XYLT1: variants seen among roughly 807,000 people sequenced by gnomAD.
XYLT1 encodes xylosyltransferase 1.
Under a neutral mutation model 91.3 loss-of-function variants are expected in XYLT1, and 36 were observed. The ratio of observed to expected loss-of-function variants is 0.39; its 90% CI spans 0.30 to 0.52. XYLT1 has a LOEUF of 0.52. XYLT1 is among the 20% of genes least tolerant of loss of function. XYLT1 has a pLI of 0.68. For missense variants in XYLT1, 1,242 were observed against 1,284.5 expected, an observed-to-expected ratio of 0.97 and a Z score of 0.51; for synonymous variants, 588 against 532.0, an observed-to-expected ratio of 1.11 and a Z score of -1.45.
chr16:17,129,981 G>A (rs553427817), intron 9 of XYLT1, among the ~76,000 whole-genome samples: 14 of 152,208 alleles, frequency 9.2e-5, no homozygotes, highest in Admixed American at 3.3e-4. Flanking sequence ...GGGCTGTCAC[G>A]TCAGTTCTGA....
At chr16:17,309,464 C>A (rs1424796752) in intron 2 of XYLT1, among the ~76,000 whole-genome samples, 1 of 152,098 alleles carries the variant, frequency 6.6e-6, no homozygotes, top group African/African-American at 2.4e-5. Context: ...CTGGGTAGGG[C>A]AAGCCCTCTG....
At chr16:17,348,210 GGA>G (rs2035172248) in intron 2 of XYLT1, among the ~76,000 whole-genome samples, 1 of 152,124 alleles carries the variant, frequency 6.6e-6, no homozygotes, top group African/African-American at 2.4e-5. Context: ...CACCCAACAT[GGA>G]GACAGCAGGA....
chr16:17,311,301 TC>T (rs2034544265), intron 2 of XYLT1, among the ~76,000 whole-genome samples: 1 of 152,158 alleles, frequency 6.6e-6, no homozygotes, highest in Admixed American at 6.5e-5. Flanking sequence ...AGAACCTGCA[TC>T]TTAACTAGGT....
intron 8 of XYLT1, 52 bp from the exon 9 acceptor site, chr16:17,134,787 T>A: frequency 4.4e-6 from 7 of 1,599,942 alleles, no homozygotes; most frequent in Non-Finnish European, 6.0e-6. Flanking sequence ...GTGCTGGGGG[T>A]TGGGGGGAAC....
intron 3 of XYLT1, among the ~76,000 whole-genome samples, chr16:17,239,531 T>TC (rs1555490069): frequency 7.0e-6 from 1 of 142,564 alleles, no homozygotes; most frequent in African/African-American, 2.7e-5. Flanking sequence ...CATCCATCCA[T>TC]CCATCCCATT....
At chr16:17,376,464 T>G (rs761910021) in intron 1 of XYLT1, among the ~76,000 whole-genome samples, 91 of 152,324 alleles carry the variant, frequency 6.0e-4, no homozygotes, top group Non-Finnish European at 8.8e-4. Flanking sequence ...GGATGGGTGA[T>G]GTCTCTTTTG....
At chr16:17,454,920 C>G (rs543650922) in intron 1 of XYLT1, among the ~76,000 whole-genome samples, 1 of 106,498 alleles carries the variant, frequency 9.4e-6, no homozygotes, top group African/African-American at 4.1e-5. Context: ...CCCGCCCCCC[C>G]CCGCAACTAT....
intron 1 of XYLT1, among the ~76,000 whole-genome samples, chr16:17,436,487 G>A (rs2036460867): frequency 6.6e-6 from 1 of 152,184 alleles, no homozygotes. Flanking sequence ...GGCGTGGATG[G>A]CACATAGTAT....
intron 6 of XYLT1, among the ~76,000 whole-genome samples, chr16:17,153,966 C>G (rs780402380): frequency 1.7e-4 from 26 of 152,168 alleles, no homozygotes; most frequent in Non-Finnish European, 3.4e-4. Flanking sequence ...CAGACGGAAC[C>G]AGGTTCCATC....
At chr16:17,306,482 G>C (rs898738886) in intron 2 of XYLT1, among the ~76,000 whole-genome samples, 2 of 151,888 alleles carry the variant, frequency 1.3e-5, no homozygotes, top group Admixed American at 6.6e-5. Context: ...TTGAACCCAG[G>C]AGGCAGGGGC....
chr16:17,253,389 A>C (rs936060891), intron 3 of XYLT1, among the ~76,000 whole-genome samples: 1 of 152,252 alleles, frequency 6.6e-6, no homozygotes, highest in East Asian at 1.9e-4. Context: ...CCAGTGCACT[A>C]AAGGCCTCAG....
chr16:17,306,557 GATATAT>G (rs35971345), intron 2 of XYLT1, among the ~76,000 whole-genome samples: 3 of 146,470 alleles, frequency 2.0e-5, no homozygotes, highest in African/African-American at 7.5e-5. Context: ...TGTCACAAAA[GATATAT>G]ATATATATAT....
intron 11 of XYLT1, among the ~76,000 whole-genome samples, chr16:17,115,819 A>AAAAAAAG (rs1293959739): frequency 6.7e-6 from 1 of 149,416 alleles, no homozygotes; most frequent in Non-Finnish European, 1.5e-5. Context: ...AAAAAAAAAA[A>AAAAAAAG]AAAAAAGACT....
Position 17,450,666 on chromosome 16 carries a change from C to A in XYLT1, c.363+19768G>T, listed in dbSNP as rs1056206183. On this transcript the variant is annotated intron_variant, in intron 1 of 11. Coordinates refer to ENST00000261381, the MANE Select transcript of XYLT1 (RefSeq NM_022166.4). Reference sequence around the variant, plus strand: ...GCCCAAAGCCACACCAAGCAAGACACAGAACAGGTTCTGGAATCCAGGTAT... The same window carrying A: ...GCCCAAAGCCACACCAAGCAAGACAAAGAACAGGTTCTGGAATCCAGGTAT... Among the ~76,000 whole-genome samples the A allele has an allele frequency of 1.1e-4, 17 of 152,322 alleles. No homozygotes were observed. In the East Asian group the frequency reaches 2.7e-3, roughly 24 times the overall value.
chr16:17,379,393 T>C (rs1004263241), intron 1 of XYLT1, among the ~76,000 whole-genome samples: 2 of 152,174 alleles, frequency 1.3e-5, no homozygotes, highest in Admixed American at 6.5e-5. Context: ...GGAGGCCGAC[T>C]AAGAGATGGA....
chr16:17,326,830 CA>C (rs147563392), intron 2 of XYLT1, among the ~76,000 whole-genome samples: 2 of 145,584 alleles, frequency 1.4e-5, no homozygotes, highest in Non-Finnish European at 3.0e-5. Flanking sequence ...ATCTCAAAAA[CA>C]AAAAAAAACA....
intron 2 of XYLT1, among the ~76,000 whole-genome samples, chr16:17,306,557 G>GATATATATATATATATATAT (rs35971345): frequency 2.7e-5 from 4 of 146,470 alleles, no homozygotes; most frequent in Admixed American, 2.1e-4. Context: ...TGTCACAAAA[G>GATATATATATATATATATAT]ATATATATAT....
At chr16:17,224,948 C>A (rs2033036236) in intron 3 of XYLT1, among the ~76,000 whole-genome samples, 1 of 152,136 alleles carries the variant, frequency 6.6e-6, no homozygotes, top group Admixed American at 6.6e-5. Context: ...ACAGACAAGA[C>A]CAAAACAAAT....
At chr16:17,185,297 G>A (rs546386959) in intron 5 of XYLT1, among the ~76,000 whole-genome samples, 3 of 152,330 alleles carry the variant, frequency 2.0e-5, no homozygotes, top group African/African-American at 4.8e-5. Context: ...AACTGTTAAC[G>A]GCATAATTAC....
Sources: allele counts gnomAD v4.1 joint callset (sites outside exome capture counted in the v4.1 genomes callset), GRCh38; gene constraint gnomAD v4.1.1; transcripts MANE v1.5; gene names NCBI Gene and HGNC (gene_info 2026-07-23, HGNC 2026-07-21).